The following DYNLRB2 variants were observed in gnomAD, a reference collection of about 807,000 sequenced individuals.
DYNLRB2 encodes the protein bithoraxoid-like protein.
DYNLRB2 carries 14 observed loss-of-function variants against 12.6 expected under a neutral mutation model. The ratio of observed to expected loss-of-function variants is 1.11; its 90% CI spans 0.73 to 1.73. The LOEUF is 1.73. Among genes scored for constraint, DYNLRB2 ranks in the 40% most tolerant of loss-of-function variants. DYNLRB2 has a pLI of 0.00. For missense variants in DYNLRB2, 142 were observed against 117.7 expected, an observed-to-expected ratio of 1.21 and a Z score of -0.95; for synonymous variants, 53 against 37.0, an observed-to-expected ratio of 1.43 and a Z score of -1.57.
chr16:80,544,203 C>T (rs1026984431), intron 2 of DYNLRB2, among the ~76,000 whole-genome samples: 2 of 152,182 alleles, frequency 1.3e-5, no homozygotes, highest in Non-Finnish European at 2.9e-5. Flanking sequence ...ACTACAACTC[C>T]TTACCACTAA....
At chr16:80,546,106 G>A (rs1904449799) in intron 2 of DYNLRB2, among the ~76,000 whole-genome samples, 1 of 152,138 alleles carries the variant, frequency 6.6e-6, no homozygotes, top group African/African-American at 2.4e-5. Context: ...AAATATAAAT[G>A]AGGGGCTTAT....
chr16:80,550,046 C>T (rs1348687477), intron 3 of DYNLRB2, among the ~76,000 whole-genome samples: 1 of 152,154 alleles, frequency 6.6e-6, no homozygotes, highest in Non-Finnish European at 1.5e-5. Context: ...AAGTACATCC[C>T]CCAGGTCTAC....
intron 2 of DYNLRB2, among the ~76,000 whole-genome samples, chr16:80,545,556 C>T (rs1338160005): frequency 6.6e-6 from 1 of 151,870 alleles, no homozygotes; most frequent in African/African-American, 2.4e-5. Flanking sequence ...CAGTGATCAC[C>T]CTGGGTAGTG....
At chr16:80,549,446 T>G (rs1409810251) in intron 2 of DYNLRB2, 38 bp from the exon 3 acceptor site, 2 of 1,534,834 alleles carry the variant, frequency 1.3e-6, no homozygotes, top group Non-Finnish European at 1.8e-6. Context: ...ACTTTTCTAA[T>G]CAGAAAAAAT....
Position 80,550,707 on chromosome 16 carries a change from C to G in DYNLRB2, c.*149C>G, listed in dbSNP as rs74341389. ...AACTGTTCTGCATGTCTCATTTAGTCCCTTTTGATTATATTGTGAAGTTGT... is the reference window on the plus strand; with the variant it reads ...AACTGTTCTGCATGTCTCATTTAGTGCCTTTTGATTATATTGTGAAGTTGT... On this transcript the variant is annotated 3_prime_UTR_variant, in exon 4 of 4. Transcript: ENST00000305904. 0.024 allele frequency: 19,814 copies of G among 825,344 alleles called. 333 individuals carry two copies. Among genetic ancestry groups the G allele is most frequent in the Middle Eastern group, 0.045 (195 of 4,322 alleles). The allele number at this position is 825,344 out of a possible 1,614,324, so 51.1% of individuals were successfully genotyped here.
In DYNLRB2 at chr16:80,550,535, G is replaced by A. The variant is rs548819192; in HGVS notation, c.268G>A (p.Val90Ile). Residue 90 changes from valine to isoleucine, a missense_variant, in exon 4 of 4, where the codon GTC (valine) becomes ATC (isoleucine). Coordinates refer to ENST00000305904, the MANE Select transcript of DYNLRB2 (RefSeq NM_130897.3). ...VAPDKEYLLI[V>I]IQNPCE ...CATAGATAAGGAATATCTTCTGATC[G>A]TCATTCAGAATCCATGTGAATAGAC... is the stretch of plus-strand genomic sequence containing the variant. The A allele has an allele frequency of 3.5e-5, 56 of 1,613,976 alleles. No individual in the cohort carries two copies. Among genetic ancestry groups the A allele is most frequent in the Middle Eastern group, 1.6e-4 (1 of 6,084 alleles).
chr16:80,541,758 G>C (rs7206412), intron 1 of DYNLRB2, among the ~76,000 whole-genome samples: 3,382 of 152,072 alleles, frequency 0.022, 123 homozygotes, highest in African/African-American at 0.077. Flanking sequence ...GAAAAGAAAG[G>C]AGTTTGGGAG....
intron 2 of DYNLRB2, chr16:80,547,869 T>A (rs1271067744): frequency 2.2e-6 from 1 of 456,454 alleles, no homozygotes; most frequent in Non-Finnish European, 4.4e-6. Context: ...GCTTTATTTA[T>A]TGAATAGGTT....
chr16:80,550,589 A>T lies in DYNLRB2; in HGVS notation c.*31A>T. The T allele has an allele frequency of 6.2e-7, 1 of 1,613,622 alleles. No individual in the cohort carries two copies. Among genetic ancestry groups the T allele is most frequent in the South Asian group, 1.1e-5 (1 of 91,066 alleles). Reference sequence around the variant, plus strand: ...CGATGGCCAAGGCTGTTTAAGCGACACTGGGTTGGAAACACTTGGCTCTCT... The same window carrying T: ...CGATGGCCAAGGCTGTTTAAGCGACTCTGGGTTGGAAACACTTGGCTCTCT... On this transcript the variant is annotated 3_prime_UTR_variant, in exon 4 of 4. Transcript: ENST00000305904.
rs771629484 is a variant in DYNLRB2 at position 80,543,322 on chromosome 16, T to C, written c.50T>C (p.Val17Ala). ...AAGAGGATCCAGAGTCATAAAGGGGTTATTGGAACTATGGTTGTAAATGCA... is the reference window on the plus strand; with the variant it reads ...AAGAGGATCCAGAGTCATAAAGGGGCTATTGGAACTATGGTTGTAAATGCA... ...TLKRIQSHKG[V>A]IGTMVVNAEG... Residue 17 changes from valine (V) to alanine (A), a missense_variant, in exon 2 of 4, where the codon GTT (valine) becomes GCT (alanine). Val to Ala is a moderately conservative substitution (Grantham distance 64, BLOSUM62 0). Coordinates refer to ENST00000305904, the MANE Select transcript of DYNLRB2 (RefSeq NM_130897.3). 1 of 1,613,908 alleles carries C rather than the reference T, an allele frequency of 6.2e-7. No individual in the cohort carries two copies. The highest frequency in any genetic ancestry group is 1.1e-5 in the South Asian group (1 of 91,050).
chr16:80,550,511 A>T lies in DYNLRB2; in HGVS notation c.248-4A>T. ...GTGAATTGATTTTATCCATCTCTCC[A>T]TAGATAAGGAATATCTTCTGATCGT... On this transcript the variant is annotated splice_region_variant and splice_polypyrimidine_tract_variant and intron_variant, in intron 3 of 3. Transcript: ENST00000305904. The T allele has an allele frequency of 6.2e-7, 1 of 1,614,172 alleles. No homozygotes were observed. Among genetic ancestry groups the T allele is most frequent in the Non-Finnish European group, 8.5e-7 (1 of 1,179,978 alleles).
At chr16:80,543,908 G>A (rs548769052) in intron 2 of DYNLRB2, among the ~76,000 whole-genome samples, 5 of 152,254 alleles carry the variant, frequency 3.3e-5, no homozygotes, top group East Asian at 1.9e-4. Flanking sequence ...CTTGCTGCAC[G>A]ATCCTTGTTA....
intron 1 of DYNLRB2, among the ~76,000 whole-genome samples, chr16:80,541,738 G>C (rs1041347881): frequency 1.3e-5 from 2 of 152,040 alleles, no homozygotes; most frequent in African/African-American, 2.4e-5. Context: ...AAATGGAAAG[G>C]CCAGGGAAAG....
intron 2 of DYNLRB2, among the ~76,000 whole-genome samples, chr16:80,546,413 T>G (rs1363104847): frequency 1.3e-5 from 2 of 152,208 alleles, no homozygotes; most frequent in African/African-American, 4.8e-5. Flanking sequence ...CAGATTATAT[T>G]TGTGGTTAGG....
At chr16:80,548,862 T>C in intron 2 of DYNLRB2, 1 of 441,074 alleles carries the variant, frequency 2.3e-6, no homozygotes, top group Middle Eastern at 3.4e-4. Flanking sequence ...AACTTAAGAT[T>C]TGTGAAATAC....
intron 2 of DYNLRB2, chr16:80,544,834 C>G (rs974978299): frequency 5.9e-5 from 9 of 152,344 alleles, no homozygotes; most frequent in Admixed American, 5.9e-4. Context: ...GGCCTATAGA[C>G]ACATCACTCC....
intron 1 of DYNLRB2, among the ~76,000 whole-genome samples, chr16:80,542,217 T>C (rs912406606): frequency 4.6e-5 from 7 of 152,214 alleles, no homozygotes; most frequent in Non-Finnish European, 8.8e-5. Context: ...GGTTTCCATT[T>C]GTGGTAGTGA....
upstream of DYNLRB2, chr16:80,540,977 G>A (rs1156640502): frequency 6.3e-7 from 1 of 1,575,722 alleles, no homozygotes. Flanking sequence ...GCTTCCGTGG[G>A]GCCACTTCCT....
At chr16:80,540,758 T>G, upstream of DYNLRB2, 1 of 702,888 alleles carries the variant, frequency 1.4e-6, no homozygotes, top group South Asian at 1.5e-5. Flanking sequence ...AATTCGTGCC[T>G]CAATGAATGA....
Sources: gnomAD v4.1 joint callset for allele counts (sites outside exome capture counted in the v4.1 genomes callset) on GRCh38, gnomAD v4.1.1 for gene constraint, MANE v1.5 for transcripts, NCBI Gene and HGNC (gene_info 2026-07-23, HGNC 2026-07-21) for gene names.